Variants in XPO6 observed in about 807,000 individuals in gnomAD.
XPO6 encodes exportin 6.
Under a neutral mutation model 130.0 loss-of-function variants are expected in XPO6, and 3 were observed. That is an observed-to-expected ratio of 0.02 (90% CI 0.01 to 0.06). XPO6 has a LOEUF of 0.06. XPO6 is among the 10% of genes least tolerant of loss of function. The pLI is 1.00. For synonymous variants in XPO6, 524 were observed against 548.9 expected (o/e 0.95, Z 0.63); for missense variants, 970 against 1,393.0 (o/e 0.70, Z 4.83).
rs559255334 is a variant in XPO6 at position 28,101,707 on chromosome 16, G to C, written c.3046-19C>G. 1.2e-6 allele frequency: 2 copies of C among 1,600,058 alleles called. No homozygotes were observed. Among genetic ancestry groups the C allele is most frequent in the African/African-American group, 1.3e-5 (1 of 74,774 alleles). The stretch of plus-strand genomic sequence containing the variant: ...AGATCTTCTGCAGGCAGAGAGACCA[G>C]GTGAGCAGCAGCCAGCCCCCAGGGG... On this transcript the variant is annotated intron_variant, in intron 22 of 23. Transcript: ENST00000304658. This position sits in a 1 kb window ranked among gnomAD's most constrained non-coding sequence, Gnocchi z 5.4.
At chr16:28,199,329 A>G (rs2043917596) in intron 1 of XPO6, among the ~76,000 whole-genome samples, 1 of 152,180 alleles carries the variant, frequency 6.6e-6, no homozygotes, top group East Asian at 1.9e-4. Context: ...TTTCCTGGAC[A>G]ATAACAAAGC....
intron 6 of XPO6, among the ~76,000 whole-genome samples, chr16:28,163,162 T>C (rs947006597): frequency 6.6e-6 from 1 of 152,212 alleles, no homozygotes; most frequent in Non-Finnish European, 1.5e-5. Flanking sequence ...GAAAACTCTA[T>C]TCAAGGAGCC....
rs190621489 is a variant in XPO6 at position 28,159,922 on chromosome 16, A to G, written c.644-3395T>C. ...AAAACCTGGCCGGGCACAGTCGCTC[A>G]CGCCTGTAATCCCAGCACTTTGGGA... On this transcript the variant is annotated intron_variant, in intron 6 of 23. Transcript: ENST00000304658. Among the ~76,000 whole-genome samples the G allele has an allele frequency of 6.3e-4, 96 of 152,328 alleles. No individual in the cohort carries two copies. In the East Asian group the frequency reaches 8.5e-3, roughly 13 times the overall value.
At chr16:28,111,668 A>G (rs983530209) in intron 17 of XPO6, 149 bp downstream of exon 17, 1 of 755,316 alleles carries the variant, frequency 1.3e-6, no homozygotes, top group Non-Finnish European at 2.0e-6. Flanking sequence ...GCAGGATCCC[A>G]CCCCCAAGTA....
chr16:28,133,564 C>T (rs953228879), intron 11 of XPO6, among the ~76,000 whole-genome samples: 8 of 152,174 alleles, frequency 5.3e-5, no homozygotes, highest in Admixed American at 1.3e-4. Flanking sequence ...AGCTCCCACT[C>T]GGCCTGGCCA....
chr16:28,197,643 G>C (rs1270648992), intron 1 of XPO6, among the ~76,000 whole-genome samples: 2 of 151,996 alleles, frequency 1.3e-5, no homozygotes, highest in Non-Finnish European at 2.9e-5. Flanking sequence ...TAGGCCGGGC[G>C]CGGTGGCTCA....
rs563982179 is a variant in XPO6, at chr16:28,174,120, G to A, written c.405+1778C>T. ...TAACCGTCCTCAACTTGGATTGAAG[G>A]CAAGTGTATTGGACAGAACGCCAGG... is the stretch of plus-strand genomic sequence containing the variant. On this transcript the variant is annotated intron_variant, in intron 4 of 23. Coordinates refer to ENST00000304658, the MANE Select transcript of XPO6 (RefSeq NM_015171.4). Among the ~76,000 whole-genome samples the A allele has an allele frequency of 1.1e-4, 16 of 152,236 alleles. No individual in the cohort carries two copies. In the South Asian group the frequency reaches 3.3e-3, roughly 32 times the overall value.
At chr16:28,166,758 C>G (rs1301587813) in intron 5 of XPO6, 173 bp from the exon 6 acceptor site, 11 of 985,352 alleles carry the variant, frequency 1.1e-5, no homozygotes, top group Non-Finnish European at 1.2e-5. Flanking sequence ...CAGCTATCTT[C>G]TGGCTCTCCA....
At position 28,154,129 on chromosome 16, in the gene XPO6, T is replaced by C. The variant is rs1441301273; in HGVS notation, c.1098-1344A>G. 3.0e-6 allele frequency: 3 copies of C among 985,186 alleles called. No homozygotes were observed. The African/African-American group carries it at 5.2e-5, about 17-fold the overall frequency. The allele number at this position is 985,186 out of a possible 1,614,324, so 61.0% of individuals were successfully genotyped here. A position where few individuals can be genotyped will look rare whatever the true frequency, so the allele number is the denominator to read the frequency against. ...TCTCTCTGGTGTCATCAATCACTAA[T>C]ACTCAAGAGTAGGAACTCCTTCCTC... On this transcript the variant is annotated intron_variant, in intron 7 of 23. Transcript: ENST00000304658.
chr16:28,200,711 T>C (rs1025103816), intron 1 of XPO6, among the ~76,000 whole-genome samples: 6 of 152,136 alleles, frequency 3.9e-5, no homozygotes, highest in African/African-American at 1.2e-4. Flanking sequence ...TTTTTTGGTT[T>C]TTTATTTTCT....
intron 8 of XPO6, among the ~76,000 whole-genome samples, chr16:28,149,374 C>T (rs912929998): frequency 5.9e-5 from 9 of 152,152 alleles, no homozygotes; most frequent in African/African-American, 2.2e-4. Context: ...AAAGGAGAAA[C>T]GGTTAAAGAA....
intron 1 of XPO6, among the ~76,000 whole-genome samples, chr16:28,186,371 A>ATTTTTTTTTTTTTTTTTTTTTTTT (rs1237138991): frequency 4.9e-4 from 5 of 10,134 alleles, no homozygotes; most frequent in African/African-American, 1.2e-3. Flanking sequence ...TGCCCCAGTT[A>ATTTTTTTTTTTTTTTTTTTTTTTT]TTCTTTTTTT....
chr16:28,152,754 G>C lies in XPO6; in HGVS notation c.1129C>G (p.Leu377Val), dbSNP rs2043117614. 2.5e-6 allele frequency: 4 copies of C among 1,613,306 alleles called. No individual in the cohort carries two copies. Among genetic ancestry groups the C allele is most frequent in the African/African-American group, 2.7e-5 (2 of 74,904 alleles). The change falls in exon 8 of 24, where the codon CTC (leucine) becomes GTC (valine). Residue 377 changes from leucine (L) to valine (V), a missense_variant. Physicochemically the swap from Leu to Val is conservative, Grantham distance 32. Coordinates refer to ENST00000304658, the MANE Select transcript of XPO6 (RefSeq NM_015171.4). ...CTTCTTAGGTGAACACTCACAAAGA[G>C]CCGAAGAAAGTCAGTAAACTTCTCG... ...YIEKFTDFLR[L>V]FVSVHLRRIE...
rs574001660 is a variant in XPO6 at position 28,173,625 on chromosome 16, G to A, written c.405+2273C>T. Among the ~76,000 whole-genome samples, 88 of 152,214 alleles carry A rather than the reference G, an allele frequency of 5.8e-4. 1 individual carries two copies. The highest frequency in any genetic ancestry group is 9.2e-4 in the Admixed American group (14 of 15,282). ...AAAAAGAAGACTTTACACAAAGTTG[G>A]GTGCAGAACCCAAACCTGCTGCCTC... On this transcript the variant is annotated intron_variant, in intron 4 of 23. Coordinates refer to ENST00000304658, the MANE Select transcript of XPO6 (RefSeq NM_015171.4).
intron 1 of XPO6, among the ~76,000 whole-genome samples, chr16:28,210,325 C>T (rs1019688379): frequency 1.3e-5 from 2 of 152,114 alleles, no homozygotes; most frequent in Admixed American, 6.6e-5. Context: ...CAGCTATGTC[C>T]CTTTCTCTAT....
At chr16:28,181,176 C>A (rs773089691) in intron 1 of XPO6, 145 bp from the exon 2 acceptor site, 20 of 546,656 alleles carry the variant, frequency 3.7e-5, no homozygotes, top group Non-Finnish European at 5.9e-5. Flanking sequence ...TGGTATATGC[C>A]AGAAAAAACT....
intron 1 of XPO6, among the ~76,000 whole-genome samples, chr16:28,201,559 G>T (rs977497441): frequency 6.6e-6 from 1 of 152,204 alleles, no homozygotes; most frequent in South Asian, 2.1e-4. Flanking sequence ...GACACTCACT[G>T]TAAGAATGTA....
chr16:28,114,030 AG>A (rs2086993412), intron 15 of XPO6, among the ~76,000 whole-genome samples: 1 of 152,216 alleles, frequency 6.6e-6, no homozygotes, highest in African/African-American at 2.4e-5. Flanking sequence ...CTAGTAATAT[AG>A]CAGACTTGGA....
chr16:28,203,218 G>A (rs1387902592), intron 1 of XPO6, among the ~76,000 whole-genome samples: 1 of 151,120 alleles, frequency 6.6e-6, no homozygotes, highest in African/African-American at 2.4e-5. Flanking sequence ...AGAGGCTGCA[G>A]TAAGACATGA....
Sources: allele counts gnomAD v4.1 joint callset (sites outside exome capture counted in the v4.1 genomes callset), GRCh38; gene constraint gnomAD v4.1.1; non-coding constraint Gnocchi (gnomAD v3.1); transcripts MANE v1.5; gene names NCBI Gene and HGNC (gene_info 2026-07-23, HGNC 2026-07-21).